Variants in NRDC observed in about 807,000 individuals in gnomAD.
The protein encoded by NRDC is nardilysin.
NRDC carries 54 observed loss-of-function variants against 147.1 expected under a neutral mutation model. That is an observed-to-expected ratio of 0.37 (90% CI 0.29 to 0.46). The LOEUF is 0.46. Ranked by LOEUF, NRDC falls within the 20% of genes least tolerant of loss-of-function variation. The pLI is 1.00. For synonymous variants in NRDC, 440 were observed against 482.1 expected, an observed-to-expected ratio of 0.91 and a Z score of 1.14; for missense variants, 1,082 against 1,370.6, an observed-to-expected ratio of 0.79 and a Z score of 3.33.
In NRDC at chr1:51,834,085, T is replaced by C; in HGVS notation, c.798A>G (p.Ser266=). 6.2e-7 allele frequency: 1 copy of C among 1,614,144 alleles called. No homozygotes were observed. Among genetic ancestry groups the C allele is most frequent in the Non-Finnish European group, 8.5e-7 (1 of 1,180,006 alleles). The change falls in exon 4 of 31, where the codon TCA becomes TCG. Residue 266 remains serine, a synonymous_variant. Transcript: ENST00000352171. ...LKKHGGSDNA[S]TDCERTVFQF... The stretch of plus-strand genomic sequence containing the variant: ...GAAAGACAGTGCGTTCACAATCAGT[T>C]GAGGCATTATCACTACCCCCATGCT...
chr1:51,799,348 CA>C (rs535182578), intron 21 of NRDC, among the ~76,000 whole-genome samples: 2,702 of 151,820 alleles, frequency 0.018, 76 homozygotes, highest in African/African-American at 0.062. Context: ...CCTCCCCCAG[CA>C]CCCCCACCCC....
At chr1:51,801,216 G>C (rs1488560705) in intron 20 of NRDC, 1 of 152,178 alleles carries the variant, frequency 6.6e-6, no homozygotes, top group East Asian at 1.9e-4. Flanking sequence ...TTTGTCTTCA[G>C]ATAGATCCTA....
At chr1:51,817,225 T>C (rs1005349928) in intron 10 of NRDC, among the ~76,000 whole-genome samples, 6 of 152,200 alleles carry the variant, frequency 3.9e-5, no homozygotes, top group African/African-American at 1.4e-4. Context: ...GTTTAAAATA[T>C]GAATTTGGCT....
intron 5 of NRDC, among the ~76,000 whole-genome samples, chr1:51,826,759 G>A (rs1353802031): frequency 1.3e-5 from 2 of 152,130 alleles, no homozygotes; most frequent in African/African-American, 4.8e-5. Flanking sequence ...TACTGTGTGT[G>A]TATATACATA....
intron 18 of NRDC, 47 bp downstream of exon 18, chr1:51,806,747 A>AGAAC: frequency 6.4e-7 from 1 of 1,560,272 alleles, no homozygotes; most frequent in South Asian, 1.1e-5. Flanking sequence ...GCATCTAAAG[A>AGAAC]GAACACTGGA....
rs759132814 is a variant in NRDC at position 51,806,778 on chromosome 1, G to C, written c.2110+16C>G. ...CTGGAATTCAGCAGGGAAGTAACAG[G>C]AGGGCAACATTTTACCTTTGGGGAT... On this transcript the variant is annotated intron_variant, in intron 18 of 30. Coordinates refer to ENST00000352171, the MANE Select transcript of NRDC (RefSeq NM_001101662.2). 1 of 1,610,980 alleles carries C rather than the reference G, an allele frequency of 6.2e-7. No individual in the cohort carries two copies. Among genetic ancestry groups the C allele is most frequent in the South Asian group, 1.1e-5 (1 of 90,546 alleles).
rs1678608470 is a variant in NRDC at position 51,790,973 on chromosome 1, T to C, written c.2978A>G (p.Lys993Arg). ...ATKYNSEVVD[K>R]KIEEFLSSFE... is the part of the protein sequence containing the mutation. ...GCTAGAAAGAAACTCTTCTATCTTCTTATCAACAACTTCAGAACTGAAACA... is the reference window on the plus strand; with the variant it reads ...GCTAGAAAGAAACTCTTCTATCTTCCTATCAACAACTTCAGAACTGAAACA... Residue 993 changes from lysine to arginine, a missense_variant, in exon 28 of 31, where the codon AAG becomes AGG. Lys to Arg is a conservative substitution (Grantham distance 26). This residue lies in a region of NRDC where 187 missense variants were observed against 193.6 expected (regional missense o/e 0.97). Transcript: ENST00000352171. 1 of 1,612,068 alleles carries C rather than the reference T, an allele frequency of 6.2e-7. No individual in the cohort carries two copies. The highest frequency in any genetic ancestry group is 1.3e-5 in the African/African-American group (1 of 74,890).
chr1:51,846,672 G>A (rs768077611), intron 1 of NRDC, among the ~76,000 whole-genome samples: 2 of 152,218 alleles, frequency 1.3e-5, no homozygotes, highest in African/African-American at 2.4e-5. Flanking sequence ...CATAAAGGTA[G>A]TGAGAACCCA....
In NRDC at chr1:51,809,361, G is replaced by A. The variant is rs142972588; in HGVS notation, c.1944C>T (p.Phe648=). 303 of 1,613,626 alleles carry A rather than the reference G, an allele frequency of 1.9e-4. No individual in the cohort carries two copies. Among genetic ancestry groups the A allele is most frequent in the Admixed American group, 6.8e-4 (41 of 60,002 alleles). ...GAAGATGAAGATCTGGATTTAATTC[G>A]AAATTACTATTCCACAGTTCAGCCC... The part of the protein sequence containing the change: ...NSWAELWNSN[F]ELNPDLHLPA... Residue 648 remains phenylalanine, a synonymous_variant, in exon 17 of 31, where the codon TTC becomes TTT. Transcript: ENST00000352171.
chr1:51,817,311 C>A (rs186243283), intron 10 of NRDC, among the ~76,000 whole-genome samples: 2 of 151,060 alleles, frequency 1.3e-5, no homozygotes, highest in East Asian at 3.9e-4. Flanking sequence ...CCCCACCCCC[C>A]CTCCCAAAAA....
At chr1:51,791,501 G>C (rs1678652603) in intron 27 of NRDC, 77 bp downstream of exon 27, 3 of 1,254,504 alleles carry the variant, frequency 2.4e-6, no homozygotes, top group South Asian at 2.4e-5. Flanking sequence ...GGTTGCCCAA[G>C]GTTTAAGGAA....
intron 2 of NRDC, chr1:51,837,539 T>C: frequency 1.3e-6 from 2 of 1,592,432 alleles, no homozygotes; most frequent in Non-Finnish European, 1.7e-6. Flanking sequence ...ACCAGCAGGG[T>C]TGAAGACATT....
intron 14 of NRDC, 128 bp from the exon 15 acceptor site, chr1:51,812,226 G>C: frequency 1.6e-6 from 1 of 616,344 alleles, no homozygotes; most frequent in South Asian, 2.3e-5. Context: ...GATACAACGA[G>C]ATATAATTGC....
At chr1:51,814,886 ATATAGAGGCTTTC>A in intron 11 of NRDC, 73 bp from the exon 12 acceptor site, 1 of 1,393,114 alleles carries the variant, frequency 7.2e-7, no homozygotes. Flanking sequence ...AATTAACAAA[ATATAGAGGCTTTC>A]TATGTAAAAT....
At chr1:51,800,046 T>A (rs977020539) in intron 21 of NRDC, among the ~76,000 whole-genome samples, 4 of 152,202 alleles carry the variant, frequency 2.6e-5, no homozygotes, top group African/African-American at 9.6e-5. Flanking sequence ...ATGATCATGG[T>A]TCACTGCAGC....
intron 17 of NRDC, 68 bp from the exon 18 acceptor site, chr1:51,806,981 C>A: frequency 6.5e-7 from 1 of 1,541,986 alleles, no homozygotes. Flanking sequence ...CTGTTATTGG[C>A]TTCAGAAGTC....
intron 25 of NRDC, 87 bp from the exon 26 acceptor site, chr1:51,792,185 C>T: frequency 1.2e-5 from 18 of 1,544,792 alleles, no homozygotes; most frequent in Non-Finnish European, 1.5e-5. Context: ...ACATACCTCC[C>T]AAGTCCAGCC....
intron 1 of NRDC, among the ~76,000 whole-genome samples, chr1:51,841,023 G>C (rs1031469766): frequency 1.3e-5 from 2 of 152,138 alleles, no homozygotes; most frequent in African/African-American, 2.4e-5. Flanking sequence ...AGTCTCCAAA[G>C]CTGCCTTTAT....
intron 1 of NRDC, chr1:51,860,055 GC>G: frequency 5.1e-6 from 1 of 195,144 alleles, no homozygotes; most frequent in Non-Finnish European, 1.1e-5. Flanking sequence ...TTTTACTTTG[GC>G]CATAGTGGTG....
Sources: allele counts gnomAD v4.1 joint callset (sites outside exome capture counted in the v4.1 genomes callset), GRCh38; gene constraint gnomAD v4.1.1; regional missense constraint gnomAD v4.1.1; transcripts MANE v1.5; gene names NCBI Gene and HGNC (gene_info 2026-07-23, HGNC 2026-07-21).